GRM7: variants seen among roughly 807,000 people sequenced by gnomAD.
The protein encoded by GRM7 is glutamate metabotropic receptor 7, also known as metabotropic glutamate receptor 7.
GRM7 carries 35 observed loss-of-function variants against 84.5 expected under a neutral mutation model. The ratio of observed to expected loss-of-function variants is 0.41; its 90% CI spans 0.32 to 0.55. The LOEUF is 0.55. Ranked by LOEUF, GRM7 falls within the 20% of genes least tolerant of loss-of-function variation. The pLI is 0.19. For synonymous variants in GRM7, 487 were observed against 455.1 expected, an observed-to-expected ratio of 1.07 and a Z score of -0.89; for missense variants, 1,003 against 1,194.6, an observed-to-expected ratio of 0.84 and a Z score of 2.36.
At chr3:7,304,684 C>T (rs1237034861) in intron 3 of GRM7, among the ~76,000 whole-genome samples, 2 of 152,012 alleles carry the variant, frequency 1.3e-5, no homozygotes, top group East Asian at 1.9e-4. Context: ...GAATTTTCTG[C>T]ACTTTATATC....
chr3:7,272,769 A>C (rs1481240894), intron 2 of GRM7, among the ~76,000 whole-genome samples: 1 of 151,218 alleles, frequency 6.6e-6, no homozygotes. Flanking sequence ...GAGGTTAATT[A>C]ATTTTGTTTA....
At chr3:7,512,223 G>C (rs1052330851) in intron 7 of GRM7, among the ~76,000 whole-genome samples, 2 of 152,126 alleles carry the variant, frequency 1.3e-5, no homozygotes, top group African/African-American at 4.8e-5. Flanking sequence ...CAGTTTCAGT[G>C]GCAAGCCTGT....
intron 1 of GRM7, among the ~76,000 whole-genome samples, chr3:6,976,721 T>A (rs1253813589): frequency 6.6e-6 from 1 of 152,164 alleles, no homozygotes; most frequent in Non-Finnish European, 1.5e-5. Flanking sequence ...TTGACCAGAA[T>A]TTTTGTCTTC....
chr3:6,896,865 GA>G (rs1427272661), intron 1 of GRM7, among the ~76,000 whole-genome samples: 3 of 152,120 alleles, frequency 2.0e-5, no homozygotes, highest in African/African-American at 7.2e-5. Context: ...CTCACAAAGA[GA>G]ATTTATTTCG....
chr3:7,314,505 T>C (rs377737666), intron 4 of GRM7, among the ~76,000 whole-genome samples: 3 of 152,292 alleles, frequency 2.0e-5, no homozygotes, highest in African/African-American at 7.2e-5. Flanking sequence ...AAAACAGAGA[T>C]CTTTGCTAAC....
At chr3:7,267,466 G>A (rs1249330091) in intron 2 of GRM7, among the ~76,000 whole-genome samples, 1 of 152,210 alleles carries the variant, frequency 6.6e-6, no homozygotes, top group Non-Finnish European at 1.5e-5. Context: ...GCAGGGATTA[G>A]AATTGTACCT....
intron 2 of GRM7, among the ~76,000 whole-genome samples, chr3:7,233,985 T>C (rs1205753192): frequency 6.6e-6 from 1 of 152,152 alleles, no homozygotes; most frequent in Non-Finnish European, 1.5e-5. Flanking sequence ...TTTGGAACAT[T>C]AAAAACTTCC....
chr3:7,305,348 T>TAGAAAACTGTCA (rs1553555233), intron 3 of GRM7, among the ~76,000 whole-genome samples: 18 of 101,964 alleles, frequency 1.8e-4, no homozygotes, highest in South Asian at 6.5e-4. Flanking sequence ...TTTTTCTTTT[T>TAGAAAACTGTCA]TTTTTTTTTT....
intron 1 of GRM7, among the ~76,000 whole-genome samples, chr3:6,930,621 A>T (rs1410345116): frequency 6.6e-6 from 1 of 151,724 alleles, no homozygotes; most frequent in East Asian, 1.9e-4. Flanking sequence ...GGTTCACCCA[A>T]TGCAGGTGGG....
At chr3:7,469,300 T>A (rs1206138716) in intron 7 of GRM7, among the ~76,000 whole-genome samples, 1 of 152,226 alleles carries the variant, frequency 6.6e-6, no homozygotes, top group Non-Finnish European at 1.5e-5. Flanking sequence ...GTTCCCTAAG[T>A]GCTCTGTAAG....
intron 4 of GRM7, among the ~76,000 whole-genome samples, chr3:7,339,445 G>T (rs909067045): frequency 3.3e-5 from 5 of 152,118 alleles, no homozygotes; most frequent in African/African-American, 1.2e-4. Context: ...TAATTCAGCA[G>T]CTTATCTAGA....
At chr3:6,888,695 G>C (rs557416473) in intron 1 of GRM7, among the ~76,000 whole-genome samples, 1 of 152,196 alleles carries the variant, frequency 6.6e-6, no homozygotes, top group Non-Finnish European at 1.5e-5. Context: ...TTTTGGCTTA[G>C]GATTGACTTG....
rs548593521 is a variant in GRM7 at position 7,564,081 on chromosome 3, G to A, written c.1516-14341G>A. ...GAGAGCAATTAAGTGGACCCAACAC[G>A]GATGACTTTAATAGATGGTCATCAC... On this transcript the variant is annotated intron_variant, in intron 7 of 9. Transcript: ENST00000357716. 2.6e-5 allele frequency among the ~76,000 whole-genome samples: 4 copies of A among 152,222 alleles called. No individual in the cohort carries two copies. The East Asian group carries it at 5.8e-4, about 22-fold the overall frequency.
intron 8 of GRM7, among the ~76,000 whole-genome samples, chr3:7,647,245 G>A (rs2125110598): frequency 6.6e-6 from 1 of 152,292 alleles, no homozygotes; most frequent in South Asian, 2.1e-4. Context: ...CTTCCTCTTT[G>A]GTTAGCTTCA....
intron 7 of GRM7, among the ~76,000 whole-genome samples, chr3:7,561,119 T>A (rs1412165082): frequency 6.6e-6 from 1 of 152,150 alleles, no homozygotes; most frequent in Non-Finnish European, 1.5e-5. Flanking sequence ...CAGACCTTCA[T>A]CCTCATCACC....
intron 1 of GRM7, among the ~76,000 whole-genome samples, chr3:6,891,774 T>C (rs1391623574): frequency 6.6e-6 from 1 of 152,196 alleles, no homozygotes; most frequent in Non-Finnish European, 1.5e-5. Flanking sequence ...ATCTGAATGT[T>C]GGCCTGCCTT....
intron 8 of GRM7, among the ~76,000 whole-genome samples, chr3:7,666,143 A>T (rs183775430): frequency 6.6e-6 from 1 of 152,244 alleles, no homozygotes; most frequent in Non-Finnish European, 1.5e-5. Flanking sequence ...AGAAAATTCA[A>T]ATTGGTGGGG....
At chr3:7,103,827 T>C (rs1373057259) in intron 1 of GRM7, among the ~76,000 whole-genome samples, 12 of 131,880 alleles carry the variant, frequency 9.1e-5, no homozygotes, top group African/African-American at 4.3e-4. Flanking sequence ...TCTCTCTCTC[T>C]CTGTCTCTCT....
chr3:7,042,566 A>G (rs1436797692), intron 1 of GRM7, among the ~76,000 whole-genome samples: 2 of 152,024 alleles, frequency 1.3e-5, no homozygotes, highest in African/African-American at 4.8e-5. Flanking sequence ...CTATAGTTAT[A>G]TCTTCAAATG....
Sources: gnomAD v4.1 joint callset for allele counts (sites outside exome capture counted in the v4.1 genomes callset) on GRCh38, gnomAD v4.1.1 for gene constraint, MANE v1.5 for transcripts, NCBI Gene and HGNC (gene_info 2026-07-23, HGNC 2026-07-21) for gene names.